Variants in STPG2 observed in about 807,000 individuals in gnomAD.
STPG2 encodes the protein sperm-tail PG-rich repeat-containing protein 2.
Under a neutral mutation model 54.2 loss-of-function variants are expected in STPG2, and 56 were observed. That is an observed-to-expected ratio of 1.03 (90% CI 0.83 to 1.29). STPG2 has a LOEUF of 1.29. Ranked by LOEUF, STPG2 falls within the 50% of genes most tolerant of loss-of-function variation. STPG2 has a pLI of 0.00. For synonymous variants in STPG2, 200 were observed against 181.8 expected (o/e 1.10, Z -0.81); for missense variants, 596 against 544.9 (o/e 1.09, Z -0.93).
chr4:97,507,010 T>C (rs1310271999), intron 4 of STPG2, among the ~76,000 whole-genome samples: 1 of 151,914 alleles, frequency 6.6e-6, no homozygotes, highest in Non-Finnish European at 1.5e-5. Flanking sequence ...TATATCCTGC[T>C]AATAAGAGAC....
At chr4:97,520,215 C>T (rs559202047) in intron 4 of STPG2, among the ~76,000 whole-genome samples, 15 of 152,028 alleles carry the variant, frequency 9.9e-5, no homozygotes, top group African/African-American at 3.6e-4. Flanking sequence ...AGAAAATGAG[C>T]TAAGTATGGA....
At chr4:97,799,873 T>C (rs1727325402) in intron 9 of STPG2, among the ~76,000 whole-genome samples, 1 of 152,204 alleles carries the variant, frequency 6.6e-6, no homozygotes, top group Non-Finnish European at 1.5e-5. Flanking sequence ...TTGGAGGCTT[T>C]GTTCATTTCT....
chr4:97,936,677 C>A (rs1341904336), intron 8 of STPG2, among the ~76,000 whole-genome samples: 1 of 152,120 alleles, frequency 6.6e-6, no homozygotes, highest in East Asian at 1.9e-4. Flanking sequence ...GCTGAAAATT[C>A]TTTTCTTTAA....
Position 98,109,286 on chromosome 4 carries a change from A to C in STPG2, c.407T>G (p.Leu136Trp). 6.2e-7 allele frequency: 1 copy of C among 1,602,868 alleles called. No individual in the cohort carries two copies. Among genetic ancestry groups the C allele is most frequent in the East Asian group, 2.2e-5 (1 of 44,756 alleles). Reference protein sequence around the residue: ...KPQFDVSNATLKYKGIHFGNS... With the variant: ...KPQFDVSNATWKYKGIHFGNS... ...GCCAAAATGTATACCTTTGTATTTC[A>C]AAGTTGCATTGGAAACATCCTAAAA... Residue 136 changes from leucine to tryptophan, a missense_variant, in exon 4 of 11, where the codon TTG becomes TGG. Coordinates refer to ENST00000295268, the MANE Select transcript of STPG2 (RefSeq NM_174952.3).
At chr4:98,012,069 T>C (rs751767886) in intron 5 of STPG2, among the ~76,000 whole-genome samples, 1 of 152,164 alleles carries the variant, frequency 6.6e-6, no homozygotes, top group Non-Finnish European at 1.5e-5. Context: ...TTTTCTTCTA[T>C]GGCTTTTATG....
chr4:98,093,628 C>T (rs989918518), intron 5 of STPG2, among the ~76,000 whole-genome samples: 26 of 152,132 alleles, frequency 1.7e-4, no homozygotes, highest in East Asian at 3.8e-4. Context: ...GACTTCATAA[C>T]GCTAAAAGAG....
downstream of STPG2, among the ~76,000 whole-genome samples, chr4:97,558,426 G>T (rs779871722): frequency 6.6e-6 from 1 of 152,110 alleles, no homozygotes; most frequent in Non-Finnish European, 1.5e-5. Context: ...AGGTGAATAG[G>T]ATCTCACTTC....
In STPG2 at chr4:98,114,713, T is replaced by A. The variant is rs546373301; in HGVS notation, c.388-5408A>T. Reference sequence around the variant, plus strand: ...GGAGGAAAGATTATGTATGTGTACATGTGCACACACACACAATTTAAGACC... The same window carrying A: ...GGAGGAAAGATTATGTATGTGTACAAGTGCACACACACACAATTTAAGACC... On this transcript the variant is annotated intron_variant, in intron 3 of 10. Transcript: ENST00000295268. 5.7e-4 allele frequency among the ~76,000 whole-genome samples: 62 copies of A among 109,504 alleles called. No homozygotes were observed. The South Asian group carries it at 0.02, about 35-fold the overall frequency. The allele number at this position is 109,504 out of a possible 152,430, so 71.8% of individuals were successfully genotyped here. A position where few individuals can be genotyped will look rare whatever the true frequency, so the allele number is the denominator to read the frequency against.
chr4:98,047,015 A>C (rs1737150023), intron 5 of STPG2, among the ~76,000 whole-genome samples: 1 of 152,080 alleles, frequency 6.6e-6, no homozygotes, highest in Non-Finnish European at 1.5e-5. Context: ...TAATGTTAGG[A>C]CATTAGGTGT....
At chr4:97,721,725 G>T (rs1204703576) in intron 9 of STPG2, among the ~76,000 whole-genome samples, 2 of 151,910 alleles carry the variant, frequency 1.3e-5, no homozygotes, top group African/African-American at 2.4e-5. Flanking sequence ...CAGAAGTAAA[G>T]AATTTATTTA....
intron 4 of STPG2, among the ~76,000 whole-genome samples, chr4:97,531,747 T>C (rs1731419240): frequency 6.6e-6 from 1 of 152,162 alleles, no homozygotes; most frequent in African/African-American, 2.4e-5. Context: ...TATGTGGGAA[T>C]GGTCAATGGG....
intron 5 of STPG2, among the ~76,000 whole-genome samples, chr4:98,034,277 C>T (rs1040185645): frequency 6.6e-6 from 1 of 152,110 alleles, no homozygotes; most frequent in Non-Finnish European, 1.5e-5. Context: ...AATCAAGGTG[C>T]AAAAATCACA....
chr4:97,959,714 A>G (rs929836678), intron 7 of STPG2, among the ~76,000 whole-genome samples: 1 of 151,996 alleles, frequency 6.6e-6, no homozygotes, highest in Non-Finnish European at 1.5e-5. Context: ...AAACTTACCA[A>G]GAAAAAAAAA....
At chr4:98,084,052 G>C (rs1738434597) in intron 5 of STPG2, among the ~76,000 whole-genome samples, 1 of 151,920 alleles carries the variant, frequency 6.6e-6, no homozygotes. Flanking sequence ...TTTGTTTGCA[G>C]AGGCCAGGTC....
At chr4:98,025,601 A>G (rs917489914) in intron 5 of STPG2, 1 of 748,914 alleles carries the variant, frequency 1.3e-6, no homozygotes, top group African/African-American at 1.7e-5. Context: ...AGACAGGGAT[A>G]TAATAGTCTG....
chr4:97,928,089 T>G (rs1489435737), intron 8 of STPG2, among the ~76,000 whole-genome samples: 1 of 152,198 alleles, frequency 6.6e-6, no homozygotes, highest in Non-Finnish European at 1.5e-5. Context: ...ATTTCACTTT[T>G]AACCTGCATA....
intron 8 of STPG2, among the ~76,000 whole-genome samples, chr4:97,892,695 C>T (rs1283817170): frequency 6.6e-6 from 1 of 152,166 alleles, no homozygotes; most frequent in Non-Finnish European, 1.5e-5. Flanking sequence ...TGTGTTAGGG[C>T]ATGTAGATGC....
intron 3 of STPG2, among the ~76,000 whole-genome samples, chr4:98,122,930 G>A (rs7658025): frequency 0.39 from 59,406 of 151,896 alleles, 11,849 homozygotes; most frequent in Middle Eastern, 0.45. Context: ...TTGGGAGGGT[G>A]TATGCATCCA....
chr4:97,757,772 A>G (rs2149050627), intron 9 of STPG2, among the ~76,000 whole-genome samples: 1 of 152,232 alleles, frequency 6.6e-6, no homozygotes, highest in Non-Finnish European at 1.5e-5. Flanking sequence ...TTTCTTGTAC[A>G]TATTTAATAG....
Sources: gnomAD v4.1 joint callset for allele counts (sites outside exome capture counted in the v4.1 genomes callset) on GRCh38, gnomAD v4.1.1 for gene constraint, MANE v1.5 for transcripts, NCBI Gene and HGNC (gene_info 2026-07-23, HGNC 2026-07-21) for gene names.